Variants in ANKS1B observed in about 807,000 individuals in gnomAD.
ANKS1B encodes the protein ankyrin repeat and sterile alpha motif domain containing 1B, also known as ankyrin repeat and sterile alpha motif domain-containing protein 1B.
In ANKS1B, 36 loss-of-function variants were observed where a neutral mutation model predicts 148.3. That is an observed-to-expected ratio of 0.24 (90% CI 0.19 to 0.32). The LOEUF is 0.32. Among genes scored for constraint, ANKS1B ranks in the 10% least tolerant of loss-of-function variants. The pLI is 1.00. For synonymous variants in ANKS1B, 542 were observed against 560.8 expected, an observed-to-expected ratio of 0.97 and a Z score of 0.47; for missense variants, 1,157 against 1,542.6, an observed-to-expected ratio of 0.75 and a Z score of 4.19.
At chr12:98,923,162 A>C (rs570113920) in intron 17 of ANKS1B, among the ~76,000 whole-genome samples, 1 of 152,258 alleles carries the variant, frequency 6.6e-6, no homozygotes, top group African/African-American at 2.4e-5. Flanking sequence ...AGTTCCCTTG[A>C]AAGTGAGAAT....
At chr12:99,157,736 T>C (rs755496921) in intron 14 of ANKS1B, among the ~76,000 whole-genome samples, 8 of 152,120 alleles carry the variant, frequency 5.3e-5, no homozygotes, top group African/African-American at 1.9e-4. Flanking sequence ...GTGGGTACAC[T>C]AAAAGCCCAG....
chr12:99,001,446 A>G (rs1465290589), intron 17 of ANKS1B, among the ~76,000 whole-genome samples: 1 of 152,158 alleles, frequency 6.6e-6, no homozygotes, highest in African/African-American at 2.4e-5. Context: ...CAGTTATTTT[A>G]GATAAATACC....
chr12:98,882,987 CACT>C (rs1472616585), intron 17 of ANKS1B, among the ~76,000 whole-genome samples: 1 of 151,908 alleles, frequency 6.6e-6, no homozygotes, highest in Non-Finnish European at 1.5e-5. Context: ...TTTAAAAGAC[CACT>C]GTTATTATTA....
At chr12:98,783,038 A>G (rs1351111928) in intron 22 of ANKS1B, among the ~76,000 whole-genome samples, 2 of 151,176 alleles carry the variant, frequency 1.3e-5, no homozygotes, top group East Asian at 1.9e-4. Flanking sequence ...AACTGAATGC[A>G]TATGTGAAAA....
intron 12 of ANKS1B, among the ~76,000 whole-genome samples, chr12:99,328,315 T>C (rs2086868657): frequency 6.6e-6 from 1 of 151,878 alleles, no homozygotes; most frequent in African/African-American, 2.4e-5. Context: ...AGATAGTATC[T>C]AACGGGGTGA....
intron 14 of ANKS1B, among the ~76,000 whole-genome samples, chr12:99,227,215 A>G (rs1258899417): frequency 6.6e-6 from 1 of 151,996 alleles, no homozygotes; most frequent in Non-Finnish European, 1.5e-5. Flanking sequence ...TTCTCACAAA[A>G]TCTAGTTGCT....
rs141083950 is a variant in ANKS1B, at chr12:98,747,758, G to A, written c.3748-1909C>T. Among the ~76,000 whole-genome samples, 1,494 of 152,310 alleles carry A rather than the reference G, an allele frequency of 9.8e-3. 111 individuals carry two copies. Among genetic ancestry groups the A allele is most frequent in the Admixed American group, 0.089 (1,362 of 15,306 alleles). Reference sequence around the variant, plus strand: ...AGAAAATGTGGTATATATACACAACGGAATACTATTCAGCCATAAAAAGAA... The same window carrying A: ...AGAAAATGTGGTATATATACACAACAGAATACTATTCAGCCATAAAAAGAA... On this transcript the variant is annotated intron_variant, in intron 26 of 26. Transcript: ENST00000683438.
chr12:99,227,263 C>T (rs759751886), intron 14 of ANKS1B, among the ~76,000 whole-genome samples: 1 of 152,118 alleles, frequency 6.6e-6, no homozygotes, highest in Non-Finnish European at 1.5e-5. Context: ...CTCGCTTGCT[C>T]CTACATTTGC....
At chr12:99,330,760 A>C (rs12298429) in intron 12 of ANKS1B, among the ~76,000 whole-genome samples, 12,475 of 152,046 alleles carry the variant, frequency 0.082, 1,245 homozygotes, top group African/African-American at 0.24. Flanking sequence ...ATAGAACCTA[A>C]TGCTTCCTTT....
At chr12:99,479,260 T>C (rs890240058) in intron 10 of ANKS1B, among the ~76,000 whole-genome samples, 4 of 152,070 alleles carry the variant, frequency 2.6e-5, no homozygotes, top group Non-Finnish European at 5.9e-5. Context: ...ATAAAACTGG[T>C]TCATTACTTT....
chr12:99,661,548 A>T (rs955700731), intron 8 of ANKS1B, among the ~76,000 whole-genome samples: 5 of 151,900 alleles, frequency 3.3e-5, no homozygotes, highest in African/African-American at 1.2e-4. Flanking sequence ...CACTAACACT[A>T]TTCCTCTCCT....
At chr12:99,465,519 C>A (rs569938096) in intron 10 of ANKS1B, among the ~76,000 whole-genome samples, 28 of 151,944 alleles carry the variant, frequency 1.8e-4, no homozygotes, top group Middle Eastern at 3.4e-3. Context: ...AGAGTCAAGA[C>A]CCATCAGTGT....
intron 12 of ANKS1B, among the ~76,000 whole-genome samples, chr12:99,293,968 C>A (rs2154012933): frequency 6.6e-6 from 1 of 152,218 alleles, no homozygotes; most frequent in Non-Finnish European, 1.5e-5. Flanking sequence ...ATCAAAACTA[C>A]AATGAGATAG....
chr12:99,197,580 C>A lies in ANKS1B; in HGVS notation c.2420-43185G>T, dbSNP rs531686361. On this transcript the variant is annotated intron_variant, in intron 14 of 26. Transcript: ENST00000683438. ...CCTGGTTTACCTAGGTGGGCCCAATCTAATCACATGAGTCCTCAAAAGCAG... is the reference window on the plus strand; with the variant it reads ...CCTGGTTTACCTAGGTGGGCCCAATATAATCACATGAGTCCTCAAAAGCAG... Among the ~76,000 whole-genome samples the A allele has an allele frequency of 3.3e-5, 5 of 152,260 alleles. No individual in the cohort carries two copies. In the East Asian group the frequency reaches 7.7e-4, roughly 24 times the overall value.
chr12:99,021,957 C>T (rs941140700), intron 17 of ANKS1B, among the ~76,000 whole-genome samples: 2 of 152,108 alleles, frequency 1.3e-5, no homozygotes, highest in African/African-American at 4.8e-5. Context: ...GTTTTCTCTT[C>T]TGTGAACTGA....
chr12:99,423,354 G>A (rs543334047), intron 11 of ANKS1B, among the ~76,000 whole-genome samples: 1 of 152,220 alleles, frequency 6.6e-6, no homozygotes, highest in Admixed American at 6.5e-5. Context: ...GCGAGGTTGT[G>A]GAGAAAAAGG....
intron 17 of ANKS1B, among the ~76,000 whole-genome samples, chr12:98,910,730 A>G (rs910073930): frequency 1.9e-4 from 29 of 152,234 alleles, no homozygotes; most frequent in African/African-American, 7.0e-4. Context: ...AGAATCAACA[A>G]TCAATGAAGC....
intron 9 of ANKS1B, among the ~76,000 whole-genome samples, chr12:99,520,742 ATTG>A (rs1174145424): frequency 3.3e-5 from 5 of 151,648 alleles, no homozygotes; most frequent in East Asian, 3.9e-4. Flanking sequence ...GTTGCGCTTT[ATTG>A]TTTTTTGTTG....
intron 17 of ANKS1B, among the ~76,000 whole-genome samples, chr12:99,008,780 C>A (rs924357259): frequency 2.0e-5 from 3 of 152,150 alleles, no homozygotes; most frequent in Non-Finnish European, 4.4e-5. Flanking sequence ...TGCAAGATCT[C>A]ACGGAGGAGA....
Sources: gnomAD v4.1 joint callset for allele counts (sites outside exome capture counted in the v4.1 genomes callset) on GRCh38, gnomAD v4.1.1 for gene constraint, MANE v1.5 for transcripts, NCBI Gene and HGNC (gene_info 2026-07-23, HGNC 2026-07-21) for gene names.